PPP4R2: variants seen among roughly 807,000 people sequenced by gnomAD.
The protein encoded by PPP4R2 is serine/threonine-protein phosphatase 4 regulatory subunit 2.
PPP4R2 carries 13 observed loss-of-function variants against 47.2 expected under a neutral mutation model. The ratio of observed to expected loss-of-function variants is 0.28; its 90% confidence interval spans 0.18 to 0.44. The LOEUF (loss-of-function observed/expected upper bound fraction) is 0.44. PPP4R2 is among the 20% of genes least tolerant of loss of function. PPP4R2 has a pLI of 1.00. For synonymous variants in PPP4R2, 151 were observed against 163.3 expected (o/e 0.92, Z 0.57); for missense variants, 421 against 491.2 (o/e 0.86, Z 1.35).
intron 3 of PPP4R2, among the ~76,000 whole-genome samples, chr3:73,055,869 G>A (rs1702722627): frequency 6.6e-6 from 1 of 152,086 alleles, no homozygotes; most frequent in African/African-American, 2.4e-5. Flanking sequence ...GCTTCCCAAA[G>A]TCCTGGGATT....
At chr3:72,998,001 A>C in intron 1 of PPP4R2, 76 bp from the exon 2 acceptor site, 2 of 970,306 alleles carry the variant, frequency 2.1e-6, no homozygotes, top group South Asian at 2.8e-5. Flanking sequence ...TAATAAGGTA[A>C]AGGACTAGGA....
intron 2 of PPP4R2, among the ~76,000 whole-genome samples, chr3:72,998,643 T>A (rs1284598292): frequency 1.3e-5 from 2 of 152,252 alleles, no homozygotes; most frequent in Non-Finnish European, 2.9e-5. Flanking sequence ...TCTGTTATTA[T>A]CTGACAAATT....
chr3:73,032,775 A>C (rs1056969638), intron 2 of PPP4R2, among the ~76,000 whole-genome samples: 3 of 152,158 alleles, frequency 2.0e-5, no homozygotes, highest in African/African-American at 7.2e-5. Flanking sequence ...TTCCAGTATA[A>C]TTACATTGAA....
intron 2 of PPP4R2, chr3:73,015,728 C>A (rs761108945): frequency 4.9e-6 from 2 of 410,088 alleles, no homozygotes; most frequent in Non-Finnish European, 9.8e-6. Context: ...AGCTCCACCC[C>A]CTGGGTTCAT....
At chr3:73,054,786 A>G (rs1478807795) in intron 3 of PPP4R2, among the ~76,000 whole-genome samples, 2 of 152,196 alleles carry the variant, frequency 1.3e-5, no homozygotes, top group African/African-American at 4.8e-5. Context: ...TGAAGTGCGC[A>G]CTTATTTTTT....
At chr3:73,014,796 A>G in intron 2 of PPP4R2, 1 of 404,008 alleles carries the variant, frequency 2.5e-6, no homozygotes, top group Non-Finnish European at 4.4e-6. Flanking sequence ...CATTTGTTTC[A>G]TTGGAGATTT....
At chr3:72,998,280 T>C (rs1374790206) in intron 2 of PPP4R2, 122 bp downstream of exon 2, 3 of 606,148 alleles carry the variant, frequency 4.9e-6, no homozygotes, top group African/African-American at 2.0e-5. Flanking sequence ...GAAGTCCTGG[T>C]CATTTAAATA....
intron 2 of PPP4R2, among the ~76,000 whole-genome samples, chr3:73,033,562 C>T (rs11918703): frequency 0.12 from 18,396 of 152,102 alleles, 1,377 homozygotes; most frequent in East Asian, 0.36. Flanking sequence ...ACTTTTTAAC[C>T]GTTGCTAAAT....
intron 3 of PPP4R2, among the ~76,000 whole-genome samples, chr3:73,055,415 A>AGAGTGT (rs1403861714): frequency 1.8e-5 from 1 of 56,744 alleles, no homozygotes; most frequent in Admixed American, 2.0e-4. Context: ...CTAGTGGGGT[A>AGAGTGT]GCGTGTGTGT....
At chr3:73,061,778 T>A (rs973593747) in intron 5 of PPP4R2, 3 of 306,442 alleles carry the variant, frequency 9.8e-6, no homozygotes, top group Non-Finnish European at 1.2e-5. Flanking sequence ...TGATCATAGC[T>A]CACTGCAGCC....
chr3:72,998,276 C>T (rs1239595706), intron 2 of PPP4R2, 118 bp downstream of exon 2: 5 of 625,690 alleles, frequency 8.0e-6, no homozygotes, highest in Non-Finnish European at 1.4e-5. Flanking sequence ...TGTAGAAGTC[C>T]TGGTCATTTA....
At position 73,024,665 on chromosome 3, in the gene PPP4R2, CTCCTT is replaced by C. The variant is rs979828751; in HGVS notation, c.117-22507_117-22503del. Among the ~76,000 whole-genome samples, 14 of 152,248 alleles carry C rather than the reference CTCCTT, an allele frequency of 9.2e-5. 1 individual carries two copies. Among genetic ancestry groups the C allele is most frequent in the South Asian group, 2.1e-4 (1 of 4,818 alleles). On this transcript the variant is annotated intron_variant, in intron 2 of 8. Transcript: ENST00000356692. ...TTCCTTCCTGCCTCCCTCCCTCCTT[CTCCTT>C]TCCTTTCCTTTCCCTTTGTTTTTTT...
In PPP4R2 at chr3:73,002,629, C is replaced by CTTTTTT. The variant is rs1245599779; in HGVS notation, c.116+4475_116+4476insTTTTTT. Reference sequence around the variant, plus strand: ...TTTTTCTTTTCTTTTCTTTTCTTTTCTTTTCTTTTTTTTTTTTTTTTTTTT... The same window carrying CTTTTTT: ...TTTTTCTTTTCTTTTCTTTTCTTTTCTTTTTTTTTTCTTTTTTTTTTTTTTTTTTTT... On this transcript the variant is annotated intron_variant, in intron 2 of 8. Coordinates refer to ENST00000356692, the MANE Select transcript of PPP4R2 (RefSeq NM_174907.4). Among the ~76,000 whole-genome samples, 583 of 82,724 alleles carry CTTTTTT rather than the reference C, an allele frequency of 7.0e-3. 28 individuals carry two copies. Among genetic ancestry groups the CTTTTTT allele is most frequent in the Non-Finnish European group, 0.01 (430 of 41,432 alleles). The allele number at this position is 82,724 out of a possible 152,430, so 54.3% of individuals were successfully genotyped here.
At chr3:73,062,600 C>CT (rs979064242) in intron 5 of PPP4R2, 3 of 1,613,988 alleles carry the variant, frequency 1.9e-6, no homozygotes, top group Admixed American at 3.3e-5. Context: ...ATATGCCTAA[C>CT]TTTATTGCCC....
At chr3:73,048,176 T>C (rs931571135) in intron 3 of PPP4R2, among the ~76,000 whole-genome samples, 3 of 151,234 alleles carry the variant, frequency 2.0e-5, no homozygotes, top group African/African-American at 7.3e-5. Flanking sequence ...CGCCCGGCAG[T>C]ACTCATTTTT....
At chr3:73,038,427 G>C (rs944845705) in intron 2 of PPP4R2, among the ~76,000 whole-genome samples, 1 of 151,528 alleles carries the variant, frequency 6.6e-6, no homozygotes, top group Admixed American at 6.6e-5. Context: ...CCAGTGGAGT[G>C]CAGTGTCACC....
At chr3:73,007,072 T>C (rs749182) in intron 2 of PPP4R2, among the ~76,000 whole-genome samples, 79,499 of 152,008 alleles carry the variant, frequency 0.52, 21,104 homozygotes, top group African/African-American at 0.6. Flanking sequence ...CCACTGCCAC[T>C]TTCTTAGAAT....
rs1030297768 is a variant in PPP4R2 at position 73,016,819 on chromosome 3, T to TTTC, written c.116+18663_116+18664insCTT. 7.0e-5 allele frequency among the ~76,000 whole-genome samples: 4 copies of TTTC among 57,546 alleles called. 1 individual carries two copies. Among genetic ancestry groups the TTTC allele is most frequent in the African/African-American group, 2.2e-4 (3 of 13,396 alleles). 37.8% of individuals were successfully genotyped at this position (57,546 alleles called of 152,430 possible). On this transcript the variant is annotated intron_variant, in intron 2 of 8. Transcript: ENST00000356692. ...CTTTACTGGTTCATTGTTTCTTTTT[T>TTTC]TTTTTTTTTTTTTTTTAAATACAGA...
At chr3:73,064,731 G>A in intron 7 of PPP4R2, 121 bp from the exon 8 acceptor site, 1 of 834,796 alleles carries the variant, frequency 1.2e-6, no homozygotes, top group Non-Finnish European at 1.9e-6. Context: ...TCTTTGTTCA[G>A]GTGTTATAAT....
Sources: gnomAD v4.1 joint callset for allele counts (sites outside exome capture counted in the v4.1 genomes callset) on GRCh38, gnomAD v4.1.1 for gene constraint, MANE v1.5 for transcripts, NCBI Gene and HGNC (gene_info 2026-07-23, HGNC 2026-07-21) for gene names.